GALNT13: variants seen among roughly 807,000 people sequenced by gnomAD.
The protein encoded by GALNT13 is polypeptide N-acetylgalactosaminyltransferase 13.
Under a neutral mutation model 64.2 loss-of-function variants are expected in GALNT13, and 28 were observed. The ratio of observed to expected loss-of-function variants is 0.44; its 90% CI spans 0.32 to 0.60. The LOEUF (loss-of-function observed/expected upper bound fraction) is 0.60. Among genes scored for constraint, GALNT13 ranks in the 20% least tolerant of loss-of-function variants. GALNT13 has a pLI of 0.05. For missense variants in GALNT13, 577 were observed against 669.8 expected (o/e 0.86, Z 1.53); for synonymous variants, 214 against 224.6 (o/e 0.95, Z 0.42).
the GALNT13 span, among the ~76,000 whole-genome samples, chr2:153,198,906 A>G: frequency 1.3e-5 from 2 of 152,162 alleles, no homozygotes; most frequent in Non-Finnish European, 2.9e-5. Flanking sequence ...GGCCAAGACC[A>G]TGGGTTTTAG....
chr2:153,185,736 G>C, the GALNT13 span, among the ~76,000 whole-genome samples: 2 of 152,094 alleles, frequency 1.3e-5, no homozygotes, highest in Admixed American at 6.5e-5. Flanking sequence ...TTCAGAAGCA[G>C]GTTGTTCAAT....
chr2:154,019,799 C>T (rs1265067356), intron 3 of GALNT13, among the ~76,000 whole-genome samples: 1 of 151,940 alleles, frequency 6.6e-6, no homozygotes, highest in African/African-American at 2.4e-5. Flanking sequence ...GTGCTGCACC[C>T]ATTAACTCGT....
Position 154,043,455 on chromosome 2 carries a change from T to TATATACACAC in GALNT13, c.143-96881_143-96880insTATACACACA, listed in dbSNP as rs1341373277. On this transcript the variant is annotated intron_variant, in intron 3 of 12. Transcript: ENST00000392825. Reference sequence around the variant, plus strand: ...ATATATATATATATATATATATATATACACACATGTATACATAAAAACATG... The same window carrying TATATACACAC: ...ATATATATATATATATATATATATATATATACACACACACACATGTATACATAAAAACATG... 6.1e-3 allele frequency among the ~76,000 whole-genome samples: 639 copies of TATATACACAC among 104,508 alleles called. 3 individuals carry two copies. The highest frequency in any genetic ancestry group is 0.01 in the African/African-American group (254 of 24,610). The allele number at this position is 104,508 out of a possible 152,430, so 68.6% of individuals were successfully genotyped here. A position where few individuals can be genotyped will look rare whatever the true frequency, so the allele number is the denominator to read the frequency against.
the GALNT13 span, among the ~76,000 whole-genome samples, chr2:153,798,901 G>A: frequency 6.6e-6 from 1 of 152,184 alleles, no homozygotes; most frequent in Non-Finnish European, 1.5e-5. Flanking sequence ...TATTATTGCT[G>A]ATATTTTAAA....
At chr2:153,120,093 A>G in the GALNT13 span, among the ~76,000 whole-genome samples, 2 of 152,222 alleles carry the variant, frequency 1.3e-5, no homozygotes, top group South Asian at 4.1e-4. Flanking sequence ...GTGTTAATAT[A>G]TTAAGAAGAA....
the GALNT13 span, among the ~76,000 whole-genome samples, chr2:153,728,678 A>C: frequency 6.6e-6 from 1 of 152,112 alleles, no homozygotes; most frequent in Non-Finnish European, 1.5e-5. Flanking sequence ...GACACGAAAA[A>C]CCCTTCAAAA....
chr2:153,719,486 G>A, the GALNT13 span, among the ~76,000 whole-genome samples: 6 of 152,284 alleles, frequency 3.9e-5, no homozygotes, highest in African/African-American at 1.4e-4. Flanking sequence ...AACAGCTCCG[G>A]TCTACAGCTC....
the GALNT13 span, among the ~76,000 whole-genome samples, chr2:153,641,651 A>T: frequency 2.0e-5 from 3 of 152,120 alleles, no homozygotes; most frequent in Non-Finnish European, 4.4e-5. Flanking sequence ...TCAGAGCAGC[A>T]CTGTTAATTT....
At chr2:153,069,150 A>G in the GALNT13 span, among the ~76,000 whole-genome samples, 1 of 152,078 alleles carries the variant, frequency 6.6e-6, no homozygotes. Flanking sequence ...CGTCCAGGAG[A>G]TGTGTGCTGC....
chr2:153,770,197 T>A, the GALNT13 span, among the ~76,000 whole-genome samples: 1 of 117,404 alleles, frequency 8.5e-6, no homozygotes, highest in East Asian at 3.0e-4. Flanking sequence ...CTTTTTCTCC[T>A]CTGGATAATT....
At chr2:153,593,944 T>C in the GALNT13 span, among the ~76,000 whole-genome samples, 2 of 152,156 alleles carry the variant, frequency 1.3e-5, no homozygotes, top group Non-Finnish European at 2.9e-5. Flanking sequence ...GGCTTCTTTT[T>C]AACTCAATAA....
the GALNT13 span, among the ~76,000 whole-genome samples, chr2:153,766,912 C>CT: frequency 6.6e-6 from 1 of 152,004 alleles, no homozygotes; most frequent in Non-Finnish European, 1.5e-5. Flanking sequence ...TTTCTTTTCA[C>CT]TTTTTTATTT....
At chr2:153,638,086 C>T in the GALNT13 span, among the ~76,000 whole-genome samples, 3 of 152,108 alleles carry the variant, frequency 2.0e-5, no homozygotes, top group South Asian at 4.2e-4. Flanking sequence ...CTGGAAAGGG[C>T]ATTCCAAGAA....
chr2:154,039,481 A>T lies in GALNT13; in HGVS notation c.142+94842A>T, dbSNP rs1198682699. On this transcript the variant is annotated intron_variant, in intron 3 of 12. Coordinates refer to ENST00000392825, the MANE Select transcript of GALNT13 (RefSeq NM_052917.4). The stretch of plus-strand genomic sequence containing the variant: ...GCAGCTACATGAGTGAACCTGGAAG[A>T]CCTTATGTTAAATTAAATGAATCAG... Among the ~76,000 whole-genome samples, 2 of 140,356 alleles carry T rather than the reference A, an allele frequency of 1.4e-5. 1 individual carries two copies. Among genetic ancestry groups the T allele is most frequent in the Non-Finnish European group, 3.3e-5 (2 of 61,190 alleles). The allele number at this position is 140,356 out of a possible 152,430, so 92.1% of individuals were successfully genotyped here. A position where few individuals can be genotyped will look rare whatever the true frequency, so the allele number is the denominator to read the frequency against.
Position 154,039,356 on chromosome 2 carries a change from A to G in GALNT13, c.142+94717A>G, listed in dbSNP as rs1336134315. 1.4e-5 allele frequency among the ~76,000 whole-genome samples: 2 copies of G among 138,312 alleles called. 1 individual carries two copies. The highest frequency in any genetic ancestry group is 3.3e-5 in the Non-Finnish European group (2 of 59,894). 90.7% of individuals were successfully genotyped at this position (138,312 alleles called of 152,430 possible). ...TCACAATAGTCAAGATATAGAATCA[A>G]CGTAAGTACTCCTCAACAGATAAAT... On this transcript the variant is annotated intron_variant, in intron 3 of 12. Transcript: ENST00000392825.
the GALNT13 span, among the ~76,000 whole-genome samples, chr2:153,350,782 A>G: frequency 1.3e-5 from 2 of 152,172 alleles, no homozygotes; most frequent in Admixed American, 6.5e-5. Context: ...CTCAATGTAC[A>G]TGAACAATAG....
At chr2:153,633,040 C>T in the GALNT13 span, among the ~76,000 whole-genome samples, 1 of 152,054 alleles carries the variant, frequency 6.6e-6, no homozygotes, top group East Asian at 1.9e-4. Context: ...GGATTACAGG[C>T]GTGAGCCACC....
the GALNT13 span, among the ~76,000 whole-genome samples, chr2:153,820,248 A>G: frequency 6.6e-6 from 1 of 152,226 alleles, no homozygotes; most frequent in Non-Finnish European, 1.5e-5. Context: ...TTAAAGTGCC[A>G]AACATACAAA....
At chr2:153,125,490 C>T in the GALNT13 span, among the ~76,000 whole-genome samples, 62 of 152,312 alleles carry the variant, frequency 4.1e-4, 1 homozygote, top group Non-Finnish European at 7.9e-4. Flanking sequence ...GCTGTGGACC[C>T]TGATGTTCCT....
Sources: gnomAD v4.1 joint callset for allele counts (sites outside exome capture counted in the v4.1 genomes callset) on GRCh38, gnomAD v4.1.1 for gene constraint, MANE v1.5 for transcripts, NCBI Gene and HGNC (gene_info 2026-07-23, HGNC 2026-07-21) for gene names.